The following KLF8 variants were observed in gnomAD, a reference collection of about 807,000 sequenced individuals.
The protein encoded by KLF8 is Krueppel-like factor 8.
KLF8 carries 10 observed loss-of-function variants against 18.2 expected under a neutral mutation model. That is an observed-to-expected ratio of 0.55 (90% CI 0.34 to 0.93). The LOEUF (loss-of-function observed/expected upper bound fraction) is 0.93, where lower values mean the gene tolerates loss of function less well. Ranked by LOEUF, KLF8 falls within the 40% of genes least tolerant of loss-of-function variation. KLF8 has a pLI of 0.02. For synonymous variants in KLF8, 109 were observed against 97.3 expected, an observed-to-expected ratio of 1.12 and a Z score of -0.71; for missense variants, 264 against 277.9, an observed-to-expected ratio of 0.95 and a Z score of 0.36.
the KLF8 span, among the ~76,000 whole-genome samples, chrX:56,220,731 G>A: frequency 1.8e-5 from 2 of 111,553 alleles, no homozygotes; most frequent in South Asian, 3.7e-4. Context: ...CAAGTGATCC[G>A]CCCGCCTCAG....
At chrX:56,162,697 C>G in the KLF8 span, among the ~76,000 whole-genome samples, 2 of 111,584 alleles carry the variant, frequency 1.8e-5, no homozygotes, top group Non-Finnish European at 3.8e-5. Context: ...AAAGGGAATT[C>G]CCTGACCCCT....
intron 1 of KLF8, among the ~76,000 whole-genome samples, chrX:56,244,512 G>A (rs1380877429): frequency 8.9e-6 from 1 of 111,846 alleles, no homozygotes; most frequent in Non-Finnish European, 1.9e-5. Context: ...TTAAAATGAG[G>A]AAATAATGGT....
At chrX:55,971,598 ACAAT>A in the KLF8 span, among the ~76,000 whole-genome samples, 2 of 111,007 alleles carry the variant, frequency 1.8e-5, no homozygotes, top group South Asian at 3.8e-4. Context: ...AGCAAAGGAA[ACAAT>A]CAACGAAATG....
the KLF8 span, among the ~76,000 whole-genome samples, chrX:56,126,806 G>A: frequency 1.0e-5 from 1 of 97,868 alleles, no homozygotes; most frequent in Non-Finnish European, 2.0e-5. Context: ...AGGCTGGAGT[G>A]CAATGGCACG....
At chrX:56,201,278 T>C in the KLF8 span, among the ~76,000 whole-genome samples, 19 of 111,976 alleles carry the variant, frequency 1.7e-4, no homozygotes, top group Non-Finnish European at 3.0e-4. Context: ...TTATTCACCC[T>C]TTAAAAAGAA....
the KLF8 span, among the ~76,000 whole-genome samples, chrX:56,054,681 T>C: frequency 9.0e-6 from 1 of 111,269 alleles, no homozygotes; most frequent in Non-Finnish European, 1.9e-5. Flanking sequence ...ATATGTTGAG[T>C]GTTGTGTTGA....
rs752785486 is a variant in KLF8 at position 56,290,413 on chromosome X, G to C, written c.*5919G>C. 9.0e-6 allele frequency among the ~76,000 whole-genome samples: 1 copy of C among 111,681 alleles called. No homozygotes were observed. Among genetic ancestry groups the C allele is most frequent in the South Asian group, 3.8e-4 (1 of 2,657 alleles). On this transcript the variant is annotated 3_prime_UTR_variant, in exon 6 of 6. Coordinates refer to ENST00000468660, the MANE Select transcript of KLF8 (RefSeq NM_007250.5). ...TCCTAGGTGATAAACAGATAAATTT[G>C]AGTAAGAAGGATAATTAAAGAGTGG...
chrX:56,238,239 G>T (rs999414483), intron 1 of KLF8, among the ~76,000 whole-genome samples: 14 of 111,859 alleles, frequency 1.3e-4, no homozygotes, highest in African/African-American at 4.2e-4. Context: ...AGGACTTTGG[G>T]AGGCCAAAGC....
the KLF8 span, among the ~76,000 whole-genome samples, chrX:55,939,407 G>T: frequency 9.0e-6 from 1 of 111,069 alleles, no homozygotes; most frequent in African/African-American, 3.3e-5. Flanking sequence ...AGCACTAAAT[G>T]CCCATAAGAG....
the KLF8 span, among the ~76,000 whole-genome samples, chrX:56,211,957 C>A: frequency 2.7e-5 from 3 of 111,211 alleles, no homozygotes; most frequent in African/African-American, 9.8e-5. Context: ...GCGGCTCACC[C>A]AAGGCCTTCA....
At chrX:56,013,166 G>A in the KLF8 span, among the ~76,000 whole-genome samples, 3 of 112,916 alleles carry the variant, frequency 2.7e-5, no homozygotes, top group African/African-American at 9.6e-5. Context: ...CTGGATGTGA[G>A]ACATGAAGTC....
chrX:56,164,577 C>A, the KLF8 span, among the ~76,000 whole-genome samples: 29 of 91,199 alleles, frequency 3.2e-4, 1 homozygote, highest in Admixed American at 4.3e-4. Flanking sequence ...GTACTTTTTC[C>A]AGTTTTTTTT....
the KLF8 span, among the ~76,000 whole-genome samples, chrX:56,129,751 C>T: frequency 1.8e-5 from 2 of 111,736 alleles, no homozygotes; most frequent in Admixed American, 9.5e-5. Flanking sequence ...TCTTTCTCAG[C>T]TGGCAGGCTG....
chrX:56,219,663 C>T, the KLF8 span, among the ~76,000 whole-genome samples: 2 of 111,429 alleles, frequency 1.8e-5, no homozygotes, highest in South Asian at 3.7e-4. Flanking sequence ...CCATCCTTGC[C>T]CCCCTACTTC....
chrX:56,251,456 T>C (rs1276408395), intron 2 of KLF8, among the ~76,000 whole-genome samples: 6 of 109,540 alleles, frequency 5.5e-5, no homozygotes, highest in African/African-American at 1.7e-4. Flanking sequence ...TTTATATATT[T>C]ATTTATTTAT....
At chrX:56,058,545 C>A in the KLF8 span, among the ~76,000 whole-genome samples, 1 of 93,936 alleles carries the variant, frequency 1.1e-5, no homozygotes, top group Non-Finnish European at 2.1e-5. Context: ...ATGTTTCCTT[C>A]CCTGTGTTCA....
At chrX:56,187,819 A>G in the KLF8 span, among the ~76,000 whole-genome samples, 1 of 112,148 alleles carries the variant, frequency 8.9e-6, no homozygotes, top group African/African-American at 3.2e-5. Flanking sequence ...GACAAAATTC[A>G]ACAATGCTTC....
At chrX:55,974,164 G>T in the KLF8 span, among the ~76,000 whole-genome samples, 1 of 111,113 alleles carries the variant, frequency 9.0e-6, no homozygotes, top group Non-Finnish European at 1.9e-5. Flanking sequence ...GAAGGGAATT[G>T]TAGACACCAG....
chrX:56,220,405 T>C, the KLF8 span, among the ~76,000 whole-genome samples: 1 of 112,524 alleles, frequency 8.9e-6, no homozygotes, highest in African/African-American at 3.2e-5. Flanking sequence ...GGAATTCTTA[T>C]GCATGCTAAA....
Sources: gnomAD v4.1 joint callset for allele counts (sites outside exome capture counted in the v4.1 genomes callset) on GRCh38, gnomAD v4.1.1 for gene constraint, MANE v1.5 for transcripts, NCBI Gene and HGNC (gene_info 2026-07-23, HGNC 2026-07-21) for gene names.